CCNI: variants seen among roughly 807,000 people sequenced by gnomAD.
CCNI encodes the protein cyclin I.
CCNI carries 14 observed loss-of-function variants against 34.1 expected under a neutral mutation model. The ratio of observed to expected loss-of-function variants is 0.41; its 90% CI spans 0.27 to 0.64. The LOEUF is 0.64. Ranked by LOEUF, CCNI falls within the 30% of genes least tolerant of loss-of-function variation. The probability of loss-of-function intolerance (pLI) is 0.31; values close to 1 mark genes in which losing one functional copy is unlikely to be tolerated. For synonymous variants in CCNI, 154 were observed against 158.4 expected (o/e 0.97, Z 0.21); for missense variants, 385 against 440.5 (o/e 0.87, Z 1.13).
At chr4:77,063,344 T>TAAAA (rs745761323) in intron 2 of CCNI, among the ~76,000 whole-genome samples, 4 of 77,242 alleles carry the variant, frequency 5.2e-5, no homozygotes, top group African/African-American at 1.0e-4. Flanking sequence ...GAAAGGGAGG[T>TAAAA]AAAAAAAAAA....
In CCNI at chr4:77,056,881, G is replaced by A. The variant is rs4252885; in HGVS notation, c.244-558C>T. 6.8e-3 allele frequency among the ~76,000 whole-genome samples: 1,035 copies of A among 152,068 alleles called. 17 individuals are homozygous for A. Among genetic ancestry groups the A allele is most frequent in the African/African-American group, 0.024 (1,011 of 41,478 alleles). Reference sequence around the variant, plus strand: ...GCTGGGATTACAGGCGTCAGCCACCGTGCCCGGCCTGAGAGCTAACTGTTA... The same window carrying A: ...GCTGGGATTACAGGCGTCAGCCACCATGCCCGGCCTGAGAGCTAACTGTTA... On this transcript the variant is annotated intron_variant, in intron 3 of 6. Coordinates refer to ENST00000237654, the MANE Select transcript of CCNI (RefSeq NM_006835.3).
intron 6 of CCNI, among the ~76,000 whole-genome samples, chr4:77,049,855 G>A (rs1206709139): frequency 6.6e-6 from 1 of 152,002 alleles, no homozygotes; most frequent in East Asian, 1.9e-4. Context: ...TACATGGAAG[G>A]CCTTTAAATT....
intron 2 of CCNI, among the ~76,000 whole-genome samples, chr4:77,065,575 T>C (rs4252828): frequency 0.11 from 17,048 of 152,170 alleles, 1,253 homozygotes; most frequent in African/African-American, 0.2. Context: ...GATGAAAGAG[T>C]AGGTTTTTAG....
Position 77,055,285 on chromosome 4 carries a change from T to G in CCNI, c.555A>C (p.Leu185=). Residue 185 remains leucine (L), a synonymous_variant, in exon 6 of 7, where the codon CTA becomes CTC. Transcript: ENST00000237654. ...GTTGGTTGCAGGCCATACAGTGAAG[T>G]AGTTGCTTGGTAAGGACTGCCAAAT... The part of the protein sequence containing the change: ...SQHLAVLTKQ[L]LHCMACNQLL... The G allele has an allele frequency of 5.0e-6, 8 of 1,614,156 alleles. No individual in the cohort carries two copies. The highest frequency in any genetic ancestry group is 2.2e-5 in the East Asian group (1 of 44,882).
intron 6 of CCNI, 52 bp from the exon 7 acceptor site, chr4:77,048,714 G>T: frequency 7.2e-7 from 1 of 1,384,632 alleles, no homozygotes; most frequent in South Asian, 1.6e-5. Context: ...AATTAACATA[G>T]GCTGCTCTGT....
chr4:77,050,580 A>AT (rs4252938), intron 6 of CCNI, among the ~76,000 whole-genome samples: 1 of 152,100 alleles, frequency 6.6e-6, no homozygotes, highest in Admixed American at 6.6e-5. Context: ...ATGTTCACTG[A>AT]TTTTTTTCCC....
At chr4:77,059,651 A>G (rs1398317370) in intron 2 of CCNI, among the ~76,000 whole-genome samples, 1 of 152,036 alleles carries the variant, frequency 6.6e-6, no homozygotes, top group African/African-American at 2.4e-5. Context: ...CTGTTATCAT[A>G]GTTCATTTGT....
chr4:77,053,738 A>G (rs953582452), intron 6 of CCNI, among the ~76,000 whole-genome samples: 3 of 152,192 alleles, frequency 2.0e-5, no homozygotes, highest in African/African-American at 4.8e-5. Context: ...TTTTCTATTA[A>G]GCCTATTCCT....
intron 6 of CCNI, among the ~76,000 whole-genome samples, chr4:77,048,986 T>C (rs1727652180): frequency 7.3e-6 from 1 of 137,736 alleles, no homozygotes; most frequent in Non-Finnish European, 1.5e-5. Context: ...TTTTTTTTTT[T>C]TTCAGTCTAT....
intron 4 of CCNI, 69 bp from the exon 5 acceptor site, chr4:77,056,171 T>C (rs1728213342): frequency 1.2e-6 from 2 of 1,600,628 alleles, no homozygotes; most frequent in South Asian, 1.1e-5. Flanking sequence ...ATGATTTTTG[T>C]TTTAGCAAAC....
intron 3 of CCNI, 35 bp from the exon 4 acceptor site, chr4:77,056,358 G>A (rs145127291): frequency 4.0e-6 from 6 of 1,503,152 alleles, no homozygotes; most frequent in Middle Eastern, 1.7e-4. Context: ...CAACTTTAGT[G>A]ATTTTTCAAA....
At chr4:77,059,132 AG>A (rs1728432167) in intron 2 of CCNI, among the ~76,000 whole-genome samples, 2 of 152,280 alleles carry the variant, frequency 1.3e-5, no homozygotes, top group Non-Finnish European at 1.5e-5. Context: ...CAGGGACAAC[AG>A]ATGAATTATA....
chr4:77,051,977 TC>T, intron 6 of CCNI, among the ~76,000 whole-genome samples: 1 of 143,436 alleles, frequency 7.0e-6, no homozygotes. Context: ...TAAATTTGCT[TC>T]TTTTTACTTT....
chr4:77,072,452 CAAAAAAAAAAA>C (rs11327592), intron 1 of CCNI, among the ~76,000 whole-genome samples: 43 of 62,230 alleles, frequency 6.9e-4, no homozygotes, highest in Non-Finnish European at 1.1e-3. Context: ...CTGTCTCCAC[CAAAAAAAAAAA>C]AAAAAAAAAA....
intron 1 of CCNI, among the ~76,000 whole-genome samples, chr4:77,069,714 T>C (rs1356560524): frequency 2.0e-5 from 3 of 150,454 alleles, no homozygotes; most frequent in Non-Finnish European, 3.0e-5. Context: ...ACCCAACCAA[T>C]TGTTCCAGTT....
chr4:77,073,399 C>A (rs1276683842), intron 1 of CCNI, among the ~76,000 whole-genome samples: 1 of 152,212 alleles, frequency 6.6e-6, no homozygotes, highest in Admixed American at 6.5e-5. Flanking sequence ...ACAATATAAA[C>A]AACTTCACTA....
In CCNI at chr4:77,067,690, T is replaced by C. The variant is rs1729137004; in HGVS notation, c.-43-1285A>G. Among the ~76,000 whole-genome samples, 4 of 139,100 alleles carry C rather than the reference T, an allele frequency of 2.9e-5. No individual in the cohort carries two copies. In the Admixed American group the frequency reaches 3.0e-4, roughly 10 times the overall value. The allele number at this position is 139,100 out of a possible 152,430, so 91.3% of individuals were successfully genotyped here. A position where few individuals can be genotyped will look rare whatever the true frequency, so the allele number is the denominator to read the frequency against. On this transcript the variant is annotated intron_variant, in intron 1 of 6. Transcript: ENST00000237654. ...GGGTTTTTTTTTTTTTTTGTAGAGATGCAGTTTTGCTATGTTGCCCAGCCT... is the reference window on the plus strand; with the variant it reads ...GGGTTTTTTTTTTTTTTTGTAGAGACGCAGTTTTGCTATGTTGCCCAGCCT...
intron 1 of CCNI, among the ~76,000 whole-genome samples, chr4:77,067,241 CAAA>C (rs1054942074): frequency 1.4e-5 from 2 of 146,802 alleles, no homozygotes; most frequent in African/African-American, 5.3e-5. Flanking sequence ...CAAAAACAAA[CAAA>C]CCAAAAAAAA....
At chr4:77,074,804 T>TC (rs1692435168) in intron 1 of CCNI, 1 of 152,188 alleles carries the variant, frequency 6.6e-6, no homozygotes, top group Non-Finnish European at 1.5e-5. Context: ...CGAAACACCT[T>TC]CCACTGTTTT....
Sources: allele counts gnomAD v4.1 joint callset (sites outside exome capture counted in the v4.1 genomes callset), GRCh38; gene constraint gnomAD v4.1.1; transcripts MANE v1.5; gene names NCBI Gene and HGNC (gene_info 2026-07-23, HGNC 2026-07-21).